TIAM2: variants seen among roughly 807,000 people sequenced by gnomAD.
TIAM2 encodes the protein TIAM Rac1 associated GEF 2.
A neutral mutation model predicts 152.9 loss-of-function variants in TIAM2; 80 were observed. The observed-to-expected ratio is 0.52, with a 90% confidence interval of 0.44 to 0.63. TIAM2 has a LOEUF of 0.63. Among genes scored for constraint, TIAM2 ranks in the 30% least tolerant of loss-of-function variants. TIAM2 has a pLI of 0.00. For missense variants in TIAM2, 1,965 were observed against 2,120.1 expected, an observed-to-expected ratio of 0.93 and a Z score of 1.44; for synonymous variants, 804 against 838.0, an observed-to-expected ratio of 0.96 and a Z score of 0.70.
intron 2 of TIAM2, among the ~76,000 whole-genome samples, chr6:155,117,887 G>A (rs918136522): frequency 1.3e-5 from 2 of 152,198 alleles, no homozygotes; most frequent in Non-Finnish European, 2.9e-5. Context: ...ACAGTGCTCC[G>A]TGTATAGGAG....
intron 2 of TIAM2, chr6:155,122,203 C>T (rs574470022): frequency 6.6e-6 from 1 of 152,292 alleles, no homozygotes; most frequent in Non-Finnish European, 1.5e-5. Context: ...CTGCACGCTT[C>T]TGGAGTGGTT....
At chr6:155,132,473 T>C (rs1056548660) in intron 4 of TIAM2, among the ~76,000 whole-genome samples, 1 of 151,936 alleles carries the variant, frequency 6.6e-6, no homozygotes, top group Non-Finnish European at 1.5e-5. Context: ...CAGCATCCTG[T>C]TTTCAGGGCC....
rs1784034408 is a variant in TIAM2 at position 155,256,449 on chromosome 6, C to T, written c.4469-35C>T. On this transcript the variant is annotated intron_variant, in intron 26 of 26. Coordinates refer to ENST00000682666, the MANE Select transcript of TIAM2 (RefSeq NM_012454.4). Reference sequence around the variant, plus strand: ...ACATTACACATTGTGTAACCTGTTTCTGTATCACAGCGAAATGTGTTTTTC... The same window carrying T: ...ACATTACACATTGTGTAACCTGTTTTTGTATCACAGCGAAATGTGTTTTTC... 3 of 1,613,622 alleles carry T rather than the reference C, an allele frequency of 1.9e-6. No individual in the cohort carries two copies. The South Asian group carries it at 3.3e-5, about 18-fold the overall frequency.
At chr6:155,043,262 C>A (rs1777087673) in intron 1 of TIAM2, among the ~76,000 whole-genome samples, 1 of 152,180 alleles carries the variant, frequency 6.6e-6, no homozygotes, top group South Asian at 2.1e-4. Context: ...GCTCTCAGCA[C>A]TGGCTACACA....
chr6:155,055,511 G>A (rs1481633437), intron 1 of TIAM2, among the ~76,000 whole-genome samples: 1 of 152,180 alleles, frequency 6.6e-6, no homozygotes, highest in Non-Finnish European at 1.5e-5. Context: ...TTTGTCTTTG[G>A]AAATAGGAAA....
At chr6:155,119,392 C>A (rs372624159) in intron 2 of TIAM2, among the ~76,000 whole-genome samples, 1 of 151,500 alleles carries the variant, frequency 6.6e-6, no homozygotes. Context: ...CAGGCTGGAG[C>A]GCAGTGATGC....
intron 2 of TIAM2, among the ~76,000 whole-genome samples, chr6:155,107,688 A>G (rs544758583): frequency 6.6e-5 from 10 of 152,280 alleles, no homozygotes; most frequent in African/African-American, 2.4e-4. Context: ...TTCGCTGTTT[A>G]GTATCGTTTG....
chr6:155,121,148 A>C (rs552960552), intron 2 of TIAM2, among the ~76,000 whole-genome samples: 4 of 152,120 alleles, frequency 2.6e-5, no homozygotes, highest in African/African-American at 9.6e-5. Flanking sequence ...AAGATCTGAA[A>C]TGACAGTTTT....
intron 1 of TIAM2, among the ~76,000 whole-genome samples, chr6:155,003,620 ACT>A (rs1450651593): frequency 1.3e-5 from 2 of 151,890 alleles, no homozygotes; most frequent in African/African-American, 4.8e-5. Flanking sequence ...CAAAGGGGAC[ACT>A]CTTGTGGGAG....
intron 24 of TIAM2, chr6:155,253,721 G>A (rs1455301911): frequency 2.6e-6 from 1 of 386,664 alleles, no homozygotes. Flanking sequence ...TCCCCAGAGA[G>A]GGGCTCCAGA....
At chr6:155,250,879 C>A in intron 21 of TIAM2, 34 bp from the exon 22 acceptor site, 10 of 1,597,450 alleles carry the variant, frequency 6.3e-6, no homozygotes, top group Non-Finnish European at 8.6e-6. Context: ...CTGGGATTTC[C>A]GTATCTTCCT....
rs546925583 is a variant in TIAM2, at chr6:155,198,616, C to T, written c.3065-12588C>T. 5.2e-4 allele frequency among the ~76,000 whole-genome samples: 69 copies of T among 131,670 alleles called. 1 individual carries two copies. The highest frequency in any genetic ancestry group is 1.5e-3 in the African/African-American group (53 of 34,864). 86.4% of individuals were successfully genotyped at this position (131,670 alleles called of 152,430 possible). A position where few individuals can be genotyped will look rare whatever the true frequency, so the allele number is the denominator to read the frequency against. On this transcript the variant is annotated intron_variant, in intron 14 of 26. Coordinates refer to ENST00000682666, the MANE Select transcript of TIAM2 (RefSeq NM_012454.4). ...GGCAGAGGTTGTGGTGAGCCGAGAT[C>T]GTGCCACTGCACTCCAGCCTAGACA...
At chr6:155,059,923 G>A (rs189546226) in intron 1 of TIAM2, among the ~76,000 whole-genome samples, 2 of 152,262 alleles carry the variant, frequency 1.3e-5, no homozygotes, top group Admixed American at 1.3e-4. Context: ...ATAATTTGTG[G>A]TCATATCTGA....
chr6:155,114,053 T>TA (rs1778949176), intron 2 of TIAM2, among the ~76,000 whole-genome samples: 1 of 97,824 alleles, frequency 1.0e-5, no homozygotes, highest in Non-Finnish European at 2.1e-5. Flanking sequence ...TTTTTTTCTT[T>TA]TTTTTTTTTT....
Position 155,244,749 on chromosome 6 carries a change from A to C in TIAM2, c.3509A>C (p.Asp1170Ala). ...GAGGATGGGATTTCAGCATCATCTGACTTTAACACCCTAGAAACCCCCTCA... is the reference window on the plus strand; with the variant it reads ...GAGGATGGGATTTCAGCATCATCTGCCTTTAACACCCTAGAAACCCCCTCA... ...TLEDGISASS[D>A]FNTLETPSQF... is the part of the protein sequence containing the mutation. Residue 1170 changes from aspartate to alanine, a missense_variant, in exon 18 of 27, where the codon GAC becomes GCC. Asp to Ala is a moderately radical substitution (Grantham distance 126). Coordinates refer to ENST00000682666, the MANE Select transcript of TIAM2 (RefSeq NM_012454.4). The C allele has an allele frequency of 6.2e-7, 1 of 1,613,918 alleles. No individual in the cohort carries two copies. The highest frequency in any genetic ancestry group is 8.5e-7 in the Non-Finnish European group (1 of 1,179,916).
intron 10 of TIAM2, among the ~76,000 whole-genome samples, chr6:155,178,148 A>G (rs905185190): frequency 3.4e-5 from 5 of 148,892 alleles, no homozygotes; most frequent in African/African-American, 1.3e-4. Flanking sequence ...GCGACAGAGC[A>G]AGACTCCGTC....
chr6:155,231,901 T>A (rs572580596), intron 15 of TIAM2, among the ~76,000 whole-genome samples: 18 of 152,286 alleles, frequency 1.2e-4, no homozygotes, highest in African/African-American at 4.3e-4. Context: ...ATGATGAAAC[T>A]GAAACCCTGT....
At chr6:155,074,113 G>A (rs115950124) in intron 1 of TIAM2, among the ~76,000 whole-genome samples, 1,840 of 152,264 alleles carry the variant, frequency 0.012, 41 homozygotes, top group African/African-American at 0.042. Flanking sequence ...CTTCAATCAT[G>A]CACTGTCATG....
intron 1 of TIAM2, among the ~76,000 whole-genome samples, chr6:155,006,698 GA>G (rs888920448): frequency 1.0e-4 from 13 of 125,122 alleles, no homozygotes; most frequent in Middle Eastern, 4.0e-3. Flanking sequence ...AAAAAAAAAA[GA>G]AAAAAAAAAG....
Sources: gnomAD v4.1 joint callset for allele counts (sites outside exome capture counted in the v4.1 genomes callset) on GRCh38, gnomAD v4.1.1 for gene constraint, MANE v1.5 for transcripts, NCBI Gene and HGNC (gene_info 2026-07-23, HGNC 2026-07-21) for gene names.